Variants in PTGS2 observed in about 807,000 individuals in gnomAD.
PTGS2 encodes the protein prostaglandin-endoperoxide synthase 2, also known as prostaglandin G/H synthase 2.
Under a neutral mutation model 63.8 loss-of-function variants are expected in PTGS2, and 14 were observed. The ratio of observed to expected loss-of-function variants is 0.22; its 90% CI spans 0.14 to 0.34. The LOEUF is 0.34. Ranked by LOEUF, PTGS2 falls within the 10% of genes least tolerant of loss-of-function variation. PTGS2 has a pLI of 1.00. For missense variants in PTGS2, 533 were observed against 738.5 expected (o/e 0.72, Z 3.23); for synonymous variants, 271 against 259.5 (o/e 1.04, Z -0.43).
chr1:186,677,947 C>T (rs963416686), intron 4 of PTGS2, 117 bp from the exon 5 acceptor site: 9 of 991,464 alleles, frequency 9.1e-6, no homozygotes, highest in Admixed American at 3.1e-5. Context: ...TGAATAGGAT[C>T]ATAATATAAA....
At chr1:186,676,964 TTATA>T (rs1338748309) in intron 5 of PTGS2, 48 bp from the exon 6 acceptor site, 2 of 1,340,014 alleles carry the variant, frequency 1.5e-6, no homozygotes, top group Non-Finnish European at 2.1e-6. Context: ...GAAGTTTTTC[TTATA>T]TAAAGTGTCT....
chr1:186,676,805 TAA>T (rs772377846), intron 6 of PTGS2, 26 bp downstream of exon 6: 17 of 1,604,920 alleles, frequency 1.1e-5, no homozygotes, highest in Non-Finnish European at 1.4e-5. Context: ...CGGTAATAAC[TAA>T]GTCTTAATAG....
intron 8 of PTGS2, 110 bp from the exon 9 acceptor site, chr1:186,675,506 A>G: frequency 5.6e-6 from 7 of 1,257,466 alleles, no homozygotes; most frequent in Non-Finnish European, 7.6e-6. Context: ...CAGCGGAGAC[A>G]ATTTTTATTT....
Position 186,676,719 on chromosome 1 carries a change from A to T in PTGS2, c.724-6T>A, listed in dbSNP as rs199626392. Reference sequence around the variant, plus strand: ...TACATCTCTCCATCAATTATCTAAAAAAATAAATAAATAAATAAACATCAG... The same window carrying T: ...TACATCTCTCCATCAATTATCTAAATAAATAAATAAATAAATAAACATCAG... On this transcript the variant is annotated splice_region_variant and splice_polypyrimidine_tract_variant and intron_variant, in intron 6 of 9. Coordinates refer to ENST00000367468, the MANE Select transcript of PTGS2 (RefSeq NM_000963.4). 158 of 1,599,378 alleles carry T rather than the reference A, an allele frequency of 9.9e-5. 1 individual carries two copies. Among genetic ancestry groups the T allele is most frequent in the East Asian group, 2.5e-4 (11 of 44,682 alleles).
At position 186,679,287 on chromosome 1, in the gene PTGS2, C is replaced by T. The variant is rs763322102; in HGVS notation, c.169+35G>A. On this transcript the variant is annotated intron_variant, in intron 2 of 9. Transcript: ENST00000367468. ...TATACAATGATAACTGTATCCAGCC[C>T]CACTCCTAATGAGGCAACCAAAGGA... The T allele has an allele frequency of 4.3e-6, 7 of 1,612,218 alleles. No individual in the cohort carries two copies. The South Asian group carries it at 7.7e-5, about 18-fold the overall frequency.
chr1:186,677,621 T>TAACTCTAAG, intron 5 of PTGS2, 28 bp downstream of exon 5: 1 of 1,535,614 alleles, frequency 6.5e-7, no homozygotes, highest in South Asian at 1.3e-5. Flanking sequence ...ATAATTTTAC[T>TAACTCTAAG]AACTCTAAGA....
intron 1 of PTGS2, 33 bp from the exon 2 acceptor site, chr1:186,679,471 C>T (rs762138138): frequency 1.4e-6 from 2 of 1,441,600 alleles, no homozygotes; most frequent in East Asian, 4.5e-5. Flanking sequence ...AAATCATTCT[C>T]TAGTGTCTTA....
Position 186,673,330 on chromosome 1 carries a change from T to C in PTGS2, c.*1023A>G, listed in dbSNP as rs1665722541. ...AGCACAGCTTGGTACTTCATTAACC[T>C]CATAGCAAAATCTGAGTACCAGGCC... On this transcript the variant is annotated 3_prime_UTR_variant, in exon 10 of 10. Coordinates refer to ENST00000367468, the MANE Select transcript of PTGS2 (RefSeq NM_000963.4). 1 of 152,172 alleles carries C rather than the reference T, an allele frequency of 6.6e-6. No individual in the cohort carries two copies. Among genetic ancestry groups the C allele is most frequent in the Non-Finnish European group, 1.5e-5 (1 of 68,002 alleles). The allele number at this position is 152,172 out of a possible 1,614,324, so 9.4% of individuals were successfully genotyped here. A position where few individuals can be genotyped will look rare whatever the true frequency, so the allele number is the denominator to read the frequency against.
chr1:186,677,197 A>C (rs1665796940), intron 5 of PTGS2, among the ~76,000 whole-genome samples: 1 of 152,090 alleles, frequency 6.6e-6, no homozygotes, highest in Non-Finnish European at 1.5e-5. Flanking sequence ...AATTATAAAA[A>C]AGTATAAAAA....
chr1:186,680,330 C>T lies in PTGS2; in HGVS notation c.-40G>A, dbSNP rs201014475. ...GGGCGCGGCGCGGGGGTAGGCTTTGCTGTCTGAGGGCGTCTGGCTGTGGAG... is the reference window on the plus strand; with the variant it reads ...GGGCGCGGCGCGGGGGTAGGCTTTGTTGTCTGAGGGCGTCTGGCTGTGGAG... On this transcript the variant is annotated 5_prime_UTR_variant, in exon 1 of 10. Coordinates refer to ENST00000367468, the MANE Select transcript of PTGS2 (RefSeq NM_000963.4). The T allele has an allele frequency of 9.5e-5, 141 of 1,486,040 alleles. No homozygotes were observed. Among genetic ancestry groups the T allele is most frequent in the Non-Finnish European group, 1.2e-4 (137 of 1,102,942 alleles). The allele number at this position is 1,486,040 out of a possible 1,614,324, so 92.1% of individuals were successfully genotyped here.
chr1:186,676,019 T>C lies in PTGS2; in HGVS notation c.1136A>G (p.Asp379Gly), dbSNP rs1369349606. 4 of 1,614,086 alleles carry C rather than the reference T, an allele frequency of 2.5e-6. No homozygotes were observed. ...TTTCTGGTCATGAATTTGAAAGGTGTCAGGCAGAAGGGGATGCCAGTGATA... is the reference window on the plus strand; with the variant it reads ...TTTCTGGTCATGAATTTGAAAGGTGCCAGGCAGAAGGGGATGCCAGTGATA... ...TLYHWHPLLP[D>G]TFQIHDQKYN... The change falls in exon 8 of 10, where the codon GAC becomes GGC. Residue 379 changes from aspartate to glycine, a missense_variant. By Grantham distance (94) the Asp-to-Gly change is moderately conservative. Transcript: ENST00000367468.
At chr1:186,679,235 A>G in intron 2 of PTGS2, 34 bp from the exon 3 acceptor site, 1 of 1,612,744 alleles carries the variant, frequency 6.2e-7, no homozygotes, top group Non-Finnish European at 8.5e-7. Flanking sequence ...GGGAGAAATT[A>G]ATGGGACTCA....
rs1665692114 is a variant in PTGS2, at chr1:186,671,797, A to G, written c.*2556T>C. The G allele has an allele frequency of 6.6e-6, 1 of 152,168 alleles. No individual in the cohort carries two copies. The highest frequency in any genetic ancestry group is 1.5e-5 in the Non-Finnish European group (1 of 68,000). The allele number at this position is 152,168 out of a possible 1,614,324, so 9.4% of individuals were successfully genotyped here. ...ATGTCATATGACAAAGATGTATAGA[A>G]ACAATCAAAGTTTATCTTCAGAAAA... On this transcript the variant is annotated 3_prime_UTR_variant, in exon 10 of 10. Transcript: ENST00000367468.
intron 1 of PTGS2, 88 bp from the exon 2 acceptor site, chr1:186,679,526 C>T: frequency 9.9e-7 from 1 of 1,010,180 alleles, no homozygotes; most frequent in South Asian, 1.5e-5. Flanking sequence ...ATCAACTTTA[C>T]AATAATAAAT....
intron 4 of PTGS2, 59 bp from the exon 5 acceptor site, chr1:186,677,889 G>T: frequency 6.7e-7 from 1 of 1,490,156 alleles, no homozygotes; most frequent in South Asian, 1.2e-5. Flanking sequence ...AGGAGATGGT[G>T]ACTGTCAATC....
rs4648262 is a variant in PTGS2 at position 186,679,617 on chromosome 1, C to A, written c.53-179G>T. On this transcript the variant is annotated intron_variant, in intron 1 of 9. Coordinates refer to ENST00000367468, the MANE Select transcript of PTGS2 (RefSeq NM_000963.4). ...GATAAAACGTAGAAATACCAATTTT[C>A]TATTCTAAATAAGGATAACAGCATA... 1.6e-4 allele frequency among the ~76,000 whole-genome samples: 24 copies of A among 152,276 alleles called. No homozygotes were observed. In the East Asian group the frequency reaches 4.2e-3, roughly 27 times the overall value.
At chr1:186,679,653 T>C (rs1479794571) in intron 1 of PTGS2, among the ~76,000 whole-genome samples, 1 of 152,220 alleles carries the variant, frequency 6.6e-6, no homozygotes, top group Non-Finnish European at 1.5e-5. Flanking sequence ...TTCAACTTGG[T>C]ACATCATGTT....
rs1390033419 is a variant in PTGS2, at chr1:186,678,455, A to T, written c.314-51T>A. 3 of 1,476,716 alleles carry T rather than the reference A, an allele frequency of 2.0e-6. No individual in the cohort carries two copies. In the African/African-American group the frequency reaches 4.3e-5, roughly 21 times the overall value. The allele number at this position is 1,476,716 out of a possible 1,614,324, so 91.5% of individuals were successfully genotyped here. A position where few individuals can be genotyped will look rare whatever the true frequency, so the allele number is the denominator to read the frequency against. ...TTTATTTATTCTCATTTGTTAAGTA[A>T]ATCAACCATTATTTTTATTGTAAAA... On this transcript the variant is annotated intron_variant, in intron 3 of 9. Coordinates refer to ENST00000367468, the MANE Select transcript of PTGS2 (RefSeq NM_000963.4).
rs20428 is a variant in PTGS2, at chr1:186,678,477, A to G, written c.314-73T>C. The G allele has an allele frequency of 1.7e-3, 2,364 of 1,393,422 alleles. 70 individuals carry two copies. In the Admixed American group the frequency reaches 0.049, roughly 29 times the overall value. The allele number at this position is 1,393,422 out of a possible 1,614,324, so 86.3% of individuals were successfully genotyped here. A position where few individuals can be genotyped will look rare whatever the true frequency, so the allele number is the denominator to read the frequency against. On this transcript the variant is annotated intron_variant, in intron 3 of 9. Coordinates refer to ENST00000367468, the MANE Select transcript of PTGS2 (RefSeq NM_000963.4). The stretch of plus-strand genomic sequence containing the variant: ...GTAAATCAACCATTATTTTTATTGT[A>G]AAATGTGGAAAGTGGCACCTGAGGT...
Sources: allele counts gnomAD v4.1 joint callset (sites outside exome capture counted in the v4.1 genomes callset), GRCh38; gene constraint gnomAD v4.1.1; transcripts MANE v1.5; gene names NCBI Gene and HGNC (gene_info 2026-07-23, HGNC 2026-07-21).